ANKRD28: variants seen among roughly 807,000 people sequenced by gnomAD.
ANKRD28 encodes the protein serine/threonine-protein phosphatase 6 regulatory ankyrin repeat subunit A.
A neutral mutation model predicts 126.5 loss-of-function variants in ANKRD28; 44 were observed. The observed-to-expected ratio is 0.35, with a 90% CI of 0.27 to 0.45. The LOEUF is 0.45. Among genes scored for constraint, ANKRD28 ranks in the 20% least tolerant of loss-of-function variants. ANKRD28 has a pLI of 1.00. For missense variants in ANKRD28, 1,110 were observed against 1,316.6 expected (o/e 0.84, Z 2.43); for synonymous variants, 442 against 468.5 (o/e 0.94, Z 0.73).
intron 14 of ANKRD28, among the ~76,000 whole-genome samples, chr3:15,707,598 A>T (rs889212350): frequency 3.9e-5 from 6 of 152,266 alleles, no homozygotes; most frequent in Non-Finnish European, 5.9e-5. Context: ...TTTCCCCATG[A>T]TATAGTCACG....
chr3:15,783,704 T>C (rs183525634), intron 2 of ANKRD28, among the ~76,000 whole-genome samples: 5 of 151,966 alleles, frequency 3.3e-5, no homozygotes, highest in Non-Finnish European at 7.4e-5. Flanking sequence ...AAGCTATTAA[T>C]ACATGCCACA....
intron 8 of ANKRD28, among the ~76,000 whole-genome samples, chr3:15,720,218 C>T (rs184913642): frequency 1.3e-5 from 2 of 150,694 alleles, no homozygotes; most frequent in African/African-American, 4.9e-5. Flanking sequence ...GTGATTCTAA[C>T]AAAAAAAAAC....
chr3:15,848,706 A>C (rs2061577653), intron 1 of ANKRD28, among the ~76,000 whole-genome samples: 1 of 152,092 alleles, frequency 6.6e-6, no homozygotes, highest in South Asian at 2.1e-4. Context: ...GCAGCTAACA[A>C]TCAATAAATT....
intron 8 of ANKRD28, among the ~76,000 whole-genome samples, chr3:15,717,801 T>C (rs1245505445): frequency 2.0e-5 from 3 of 152,196 alleles, no homozygotes; most frequent in African/African-American, 7.2e-5. Flanking sequence ...CCTATACTGC[T>C]TTATAAACCT....
At chr3:15,777,628 C>A (rs1402298027) in intron 2 of ANKRD28, among the ~76,000 whole-genome samples, 2 of 152,140 alleles carry the variant, frequency 1.3e-5, no homozygotes, top group African/African-American at 4.8e-5. Flanking sequence ...CAAGTGTCAG[C>A]TGCCCAAGTA....
At chr3:15,856,505 A>T (rs985242404) in intron 1 of ANKRD28, among the ~76,000 whole-genome samples, 1 of 152,112 alleles carries the variant, frequency 6.6e-6, no homozygotes, top group Admixed American at 6.6e-5. Context: ...GTTAGAAAAA[A>T]CCCTGCAATT....
upstream of ANKRD28, among the ~76,000 whole-genome samples, chr3:15,802,221 C>T (rs1010501958): frequency 2.0e-5 from 3 of 152,124 alleles, no homozygotes; most frequent in African/African-American, 7.2e-5. Flanking sequence ...GCATATTCAG[C>T]TTGCTTCCTG....
At position 15,814,334 on chromosome 3, in the gene ANKRD28, A is replaced by C. The variant is rs768978405; in HGVS notation, c.28-19028T>G. Reference sequence around the variant, plus strand: ...CCTGTAGCAGAAAACAGATATCAAAAGAAAGAATACGCTGATCCTAGAAAT... The same window carrying C: ...CCTGTAGCAGAAAACAGATATCAAACGAAAGAATACGCTGATCCTAGAAAT... On this transcript the variant is annotated intron_variant, in intron 1 of 27. Transcript: ENST00000399451. This position sits in a 1 kb window ranked among gnomAD's most constrained non-coding sequence, Gnocchi z 4.7. 5.6e-6 allele frequency: 7 copies of C among 1,249,494 alleles called. No individual in the cohort carries two copies. The highest frequency in any genetic ancestry group is 2.2e-4 in the Middle Eastern group (1 of 4,626). The allele number at this position is 1,249,494 out of a possible 1,614,324, so 77.4% of individuals were successfully genotyped here.
intron 1 of ANKRD28, among the ~76,000 whole-genome samples, chr3:15,840,332 A>C (rs1452179365): frequency 6.6e-6 from 1 of 152,202 alleles, no homozygotes; most frequent in African/African-American, 2.4e-5. Flanking sequence ...TAACCAAAGA[A>C]ATGAAAGACC....
chr3:15,798,950 C>T (rs916576109), upstream of ANKRD28, among the ~76,000 whole-genome samples: 7 of 152,030 alleles, frequency 4.6e-5, no homozygotes, highest in African/African-American at 1.2e-4. Flanking sequence ...ATGTGCTGTA[C>T]ATTCTCATTT....
At chr3:15,836,978 T>C (rs1457583020) in intron 1 of ANKRD28, among the ~76,000 whole-genome samples, 1 of 151,520 alleles carries the variant, frequency 6.6e-6, no homozygotes, top group Non-Finnish European at 1.5e-5. Context: ...CGGGCGCCTG[T>C]AGTCCTTGCT....
intron 21 of ANKRD28, 83 bp downstream of exon 21, chr3:15,685,143 A>G: frequency 3.4e-6 from 5 of 1,460,028 alleles, no homozygotes; most frequent in Non-Finnish European, 4.8e-6. Context: ...CTAATTTTAA[A>G]CTTAAAATTT....
At chr3:15,670,591 C>A in intron 27 of ANKRD28, 35 bp from the exon 28 acceptor site, 1 of 1,584,442 alleles carries the variant, frequency 6.3e-7, no homozygotes, top group South Asian at 1.1e-5. Context: ...AATTAAGCAT[C>A]CTGAGATGTA....
At chr3:15,796,051 T>C (rs1475388047) in intron 1 of ANKRD28, among the ~76,000 whole-genome samples, 2 of 152,048 alleles carry the variant, frequency 1.3e-5, no homozygotes, top group Non-Finnish European at 2.9e-5. Context: ...TTGCTGGGGG[T>C]AGTCAACCTT....
chr3:15,814,350 T>A lies in ANKRD28; in HGVS notation c.28-19044A>T, dbSNP rs777226814. 1.8e-6 allele frequency: 2 copies of A among 1,138,060 alleles called. No homozygotes were observed. Among genetic ancestry groups the A allele is most frequent in the Admixed American group, 5.8e-5 (2 of 34,740 alleles). 70.5% of individuals were successfully genotyped at this position (1,138,060 alleles called of 1,614,324 possible). ...GATATCAAAAGAAAGAATACGCTGA[T>A]CCTAGAAATTAAGGGCTATGTTATT... is the stretch of plus-strand genomic sequence containing the variant. On this transcript the variant is annotated intron_variant, in intron 1 of 27. Transcript: ENST00000399451. This position sits in a 1 kb window ranked among gnomAD's most constrained non-coding sequence, Gnocchi z 4.7.
chr3:15,682,779 T>C (rs757853670), intron 21 of ANKRD28, among the ~76,000 whole-genome samples: 2 of 152,244 alleles, frequency 1.3e-5, no homozygotes, highest in African/African-American at 4.8e-5. Context: ...TGCCAAATTA[T>C]AAAACGGGCT....
chr3:15,838,980 TA>T lies in ANKRD28; in HGVS notation c.27+20396del, dbSNP rs1244248910. 2.0e-5 allele frequency among the ~76,000 whole-genome samples: 3 copies of T among 152,118 alleles called. No individual in the cohort carries two copies. The highest frequency in any genetic ancestry group is 4.4e-5 in the Non-Finnish European group (3 of 68,028). On this transcript the variant is annotated intron_variant, in intron 1 of 27. Transcript: ENST00000399451. This position sits in a 1 kb window ranked among gnomAD's most constrained non-coding sequence, Gnocchi z 4.0. ...AACATGAATGAACCTCAACAACATTTATACCAAATTTTTAAAAGCCAGACAA... is the reference window on the plus strand; with the variant it reads ...AACATGAATGAACCTCAACAACATTTTACCAAATTTTTAAAAGCCAGACAA...
intron 1 of ANKRD28, among the ~76,000 whole-genome samples, chr3:15,808,560 A>C (rs569349589): frequency 6.6e-6 from 1 of 152,324 alleles, no homozygotes; most frequent in South Asian, 2.1e-4. Context: ...TCAGGCATCA[A>C]ATCTTCAAGA....
intron 2 of ANKRD28, among the ~76,000 whole-genome samples, chr3:15,767,812 C>T (rs1216754792): frequency 2.1e-5 from 3 of 145,702 alleles, no homozygotes; most frequent in African/African-American, 7.5e-5. Context: ...AGCATGAACC[C>T]GGGAGGCAGA....
Sources: gnomAD v4.1 joint callset for allele counts (sites outside exome capture counted in the v4.1 genomes callset) on GRCh38, gnomAD v4.1.1 for gene constraint, Gnocchi (gnomAD v3.1) non-coding constraint, MANE v1.5 for transcripts, NCBI Gene and HGNC (gene_info 2026-07-23, HGNC 2026-07-21) for gene names.